Variants in FTO observed in about 807,000 individuals in gnomAD.
FTO encodes alpha-ketoglutarate-dependent dioxygenase FTO.
FTO carries 47 observed loss-of-function variants against 63.9 expected under a neutral mutation model. The ratio of observed to expected loss-of-function variants is 0.74; its 90% CI spans 0.58 to 0.94. The LOEUF (loss-of-function observed/expected upper bound fraction) is 0.94. Ranked by LOEUF, FTO falls within the 40% of genes least tolerant of loss-of-function variation. FTO has a pLI of 0.00. For missense variants in FTO, 562 were observed against 618.1 expected, an observed-to-expected ratio of 0.91 and a Z score of 0.96; for synonymous variants, 207 against 224.4, an observed-to-expected ratio of 0.92 and a Z score of 0.69.
At chr16:53,937,401 G>A (rs1163139718) in intron 8 of FTO, 5 of 395,322 alleles carry the variant, frequency 1.3e-5, no homozygotes, top group Middle Eastern at 6.3e-4. Flanking sequence ...AACTGGGCGA[G>A]CCCTCTGATC....
intron 8 of FTO, chr16:53,981,912 CA>C (rs540781287): frequency 0.055 from 5,294 of 95,440 alleles, 124 homozygotes; most frequent in South Asian, 0.11. Context: ...GCTCTGTTTC[CA>C]AAAAAAAAAA....
chr16:53,753,038 A>G (rs1206478422), intron 1 of FTO, among the ~76,000 whole-genome samples: 1 of 151,662 alleles, frequency 6.6e-6, no homozygotes, highest in Non-Finnish European at 1.5e-5. Context: ...AGGCAAGTGG[A>G]TCACTTGAGC....
chr16:53,736,966 C>T (rs75577666), intron 1 of FTO, among the ~76,000 whole-genome samples: 8,784 of 152,212 alleles, frequency 0.058, 819 homozygotes, highest in African/African-American at 0.2. Flanking sequence ...TCTGCCTCTG[C>T]AAATCCTTCC....
chr16:53,846,801 C>CAAAA (rs55982417), intron 4 of FTO, among the ~76,000 whole-genome samples: 2 of 106,896 alleles, frequency 1.9e-5, no homozygotes, highest in Non-Finnish European at 4.0e-5. Flanking sequence ...GACTCAGTCT[C>CAAAA]AAAAAAAAAA....
At position 53,979,596 on chromosome 16, in the gene FTO, C is replaced by T. The variant is rs56843823; in HGVS notation, c.1364+45487C>T. On this transcript the variant is annotated intron_variant, in intron 8 of 8. Transcript: ENST00000471389. ...GCGTGTGTGAATTTCTTGTCCTCTA[C>T]ATTTTCCCCTTCCTTTTGTGGCGTA... The T allele has an allele frequency of 3.9e-4, 151 of 389,104 alleles. 1 individual carries two copies. The East Asian group carries it at 4.7e-3, about 12-fold the overall frequency. 24.1% of individuals were successfully genotyped at this position (389,104 alleles called of 1,614,324 possible). A position where few individuals can be genotyped will look rare whatever the true frequency, so the allele number is the denominator to read the frequency against.
At chr16:54,056,493 A>G (rs182216167) in intron 8 of FTO, among the ~76,000 whole-genome samples, 4 of 152,298 alleles carry the variant, frequency 2.6e-5, no homozygotes, top group Admixed American at 6.5e-5. Context: ...GTGTGGGCTG[A>G]CGCTTCTGAT....
chr16:53,925,069 T>TAAAAA lies in FTO; in HGVS notation c.1240-8904_1240-8900dup, dbSNP rs763272865. 2.8e-4 allele frequency among the ~76,000 whole-genome samples: 34 copies of TAAAAA among 123,518 alleles called. 1 individual carries two copies. The highest frequency in any genetic ancestry group is 9.4e-4 in the African/African-American group (32 of 34,118). The allele number at this position is 123,518 out of a possible 152,430, so 81.0% of individuals were successfully genotyped here. A position where few individuals can be genotyped will look rare whatever the true frequency, so the allele number is the denominator to read the frequency against. ...TTTTTTTCTTTCTTTCTTTTTTTTG[T>TAAAAA]AAAAAAAAAAAAAAAAGGAAGGAGA... On this transcript the variant is annotated intron_variant, in intron 7 of 8. Coordinates refer to ENST00000471389, the MANE Select transcript of FTO (RefSeq NM_001080432.3).
At chr16:53,859,413 A>G (rs1465141153) in intron 4 of FTO, among the ~76,000 whole-genome samples, 3 of 151,874 alleles carry the variant, frequency 2.0e-5, no homozygotes, top group African/African-American at 7.3e-5. Flanking sequence ...AGTTTCTAGT[A>G]TGTGCAAGGT....
intron 1 of FTO, among the ~76,000 whole-genome samples, chr16:53,709,615 T>A (rs1233466884): frequency 6.6e-6 from 1 of 152,126 alleles, no homozygotes; most frequent in Admixed American, 6.5e-5. Flanking sequence ...CCCTATGCAT[T>A]TTTTCCCAGA....
intron 1 of FTO, among the ~76,000 whole-genome samples, chr16:53,772,004 G>A (rs576628021): frequency 6.6e-6 from 1 of 152,186 alleles, no homozygotes; most frequent in African/African-American, 2.4e-5. Context: ...TTCTTTTGTG[G>A]TAGTGAAAAT....
At chr16:54,077,349 A>G (rs1400804504) in intron 8 of FTO, among the ~76,000 whole-genome samples, 1 of 152,150 alleles carries the variant, frequency 6.6e-6, no homozygotes, top group Non-Finnish European at 1.5e-5. Flanking sequence ...TGTGGAGTCA[A>G]GTGAAGAATT....
chr16:53,793,695 G>A (rs1416416711), intron 1 of FTO, among the ~76,000 whole-genome samples: 3 of 152,056 alleles, frequency 2.0e-5, no homozygotes, highest in African/African-American at 7.2e-5. Flanking sequence ...CGCGGGAGAC[G>A]GAGCTTTCAG....
chr16:53,914,536 G>A (rs927647687), intron 7 of FTO, among the ~76,000 whole-genome samples: 2 of 152,034 alleles, frequency 1.3e-5, no homozygotes, highest in African/African-American at 4.8e-5. Flanking sequence ...TCTGGTCTGT[G>A]GCAACTTCTC....
In FTO at chr16:53,826,463, G is replaced by A. The variant is rs538111798; in HGVS notation, c.723G>A (p.Ala241=). 129 of 1,614,008 alleles carry A rather than the reference G, an allele frequency of 8.0e-5. No individual in the cohort carries two copies. The highest frequency in any genetic ancestry group is 7.6e-5 in the Non-Finnish European group (90 of 1,180,004). The part of the protein sequence containing the change: ...HHDENLVDRS[A]VAVYSYSCEG... ...ATGAAAATCTGGTGGACAGGTCAGC[G>A]GTGGCAGTGTACAGTTATAGCTGTG... is the stretch of plus-strand genomic sequence containing the variant. Residue 241 remains alanine (A), a synonymous_variant, in exon 3 of 9, where the codon GCG becomes GCA. Coordinates refer to ENST00000471389, the MANE Select transcript of FTO (RefSeq NM_001080432.3).
chr16:53,883,755 T>TAG (rs1448152692), intron 6 of FTO, among the ~76,000 whole-genome samples: 1 of 151,762 alleles, frequency 6.6e-6, no homozygotes, highest in African/African-American at 2.4e-5. Context: ...TGGGGTTGAA[T>TAG]AGAGAGATTG....
intron 3 of FTO, among the ~76,000 whole-genome samples, chr16:53,834,246 G>C (rs957444916): frequency 6.6e-6 from 1 of 152,010 alleles, no homozygotes; most frequent in African/African-American, 2.4e-5. Context: ...GGATGGTCTT[G>C]ATCTCCTGAC....
intron 4 of FTO, among the ~76,000 whole-genome samples, chr16:53,865,689 A>T (rs2080292438): frequency 6.6e-6 from 1 of 151,616 alleles, no homozygotes; most frequent in East Asian, 1.9e-4. Context: ...GTCACTGTTA[A>T]CTCCTGCATG....
In FTO at chr16:54,041,227, C is replaced by G. The variant is rs141140471; in HGVS notation, c.1365-70535C>G. Among the ~76,000 whole-genome samples, 41 of 152,208 alleles carry G rather than the reference C, an allele frequency of 2.7e-4. No individual in the cohort carries two copies. The East Asian group carries it at 7.4e-3, about 27-fold the overall frequency. On this transcript the variant is annotated intron_variant, in intron 8 of 8. Coordinates refer to ENST00000471389, the MANE Select transcript of FTO (RefSeq NM_001080432.3). ...TGGTGGGGACGCCTCAGGAAACTTA[C>G]ATCATGGTGGAAGGCGAAGGGAAAG... is the stretch of plus-strand genomic sequence containing the variant.
chr16:54,007,361 G>A (rs2084233332), intron 8 of FTO, among the ~76,000 whole-genome samples: 1 of 152,122 alleles, frequency 6.6e-6, no homozygotes, highest in African/African-American at 2.4e-5. Flanking sequence ...AGACAGTGGT[G>A]AAGAGCAGGA....
Sources: gnomAD v4.1 joint callset for allele counts (sites outside exome capture counted in the v4.1 genomes callset) on GRCh38, gnomAD v4.1.1 for gene constraint, MANE v1.5 for transcripts, NCBI Gene and HGNC (gene_info 2026-07-23, HGNC 2026-07-21) for gene names.